Variants in CPVL observed in about 807,000 individuals in gnomAD.
CPVL encodes the protein probable serine carboxypeptidase CPVL.
CPVL carries 51 observed loss-of-function variants against 63.7 expected under a neutral mutation model. That is an observed-to-expected ratio of 0.80 (90% CI 0.64 to 1.01). The LOEUF is 1.01. CPVL is among the 50% of genes least tolerant of loss of function. The pLI is 0.00. For missense variants in CPVL, 530 were observed against 573.1 expected (o/e 0.92, Z 0.77); for synonymous variants, 195 against 206.0 (o/e 0.95, Z 0.46).
chr7:29,103,486 C>T (rs1395412781), intron 3 of CPVL, among the ~76,000 whole-genome samples: 2 of 150,726 alleles, frequency 1.3e-5, no homozygotes, highest in Admixed American at 6.6e-5. Flanking sequence ...AACTCTTAAC[C>T]TCATGATCTG....
chr7:29,109,904 T>A (rs1434129493), intron 3 of CPVL, among the ~76,000 whole-genome samples: 1 of 152,216 alleles, frequency 6.6e-6, no homozygotes, highest in Non-Finnish European at 1.5e-5. Flanking sequence ...AAGGGGGTTT[T>A]CAGACTTCAG....
In CPVL at chr7:29,146,439, C is replaced by G. The variant is rs974170532; in HGVS notation, c.-21G>C. The stretch of plus-strand genomic sequence containing the variant: ...GCAGGCGGCACTTACGCGGCGCAGT[C>G]GGTGCTCCTCCCTGAGCCGCGGCGC... On this transcript the variant is annotated 5_prime_UTR_variant, in exon 1 of 13. Transcript: ENST00000265394. The G allele has an allele frequency of 2.5e-5, 31 of 1,245,528 alleles. No individual in the cohort carries two copies. The highest frequency in any genetic ancestry group is 3.2e-5 in the Non-Finnish European group (30 of 926,956). 77.2% of individuals were successfully genotyped at this position (1,245,528 alleles called of 1,614,324 possible).
At chr7:29,010,367 G>GA (rs1311424245) in intron 12 of CPVL, 71 of 138,274 alleles carry the variant, frequency 5.1e-4, no homozygotes, top group Admixed American at 1.2e-3. Flanking sequence ...AGGAGAAAAA[G>GA]AAAAAAAAAA....
intron 11 of CPVL, among the ~76,000 whole-genome samples, chr7:29,042,135 G>A (rs1789154396): frequency 6.6e-6 from 1 of 152,144 alleles, no homozygotes; most frequent in East Asian, 1.9e-4. Flanking sequence ...GGTTCATGAA[G>A]CTGGATTAAG....
chr7:29,129,251 A>G (rs1186654602), intron 1 of CPVL, among the ~76,000 whole-genome samples: 1 of 152,200 alleles, frequency 6.6e-6, no homozygotes, highest in Admixed American at 6.5e-5. Flanking sequence ...AGGCAGATCC[A>G]TGAATATTTG....
At chr7:29,173,723 A>T (rs1454511827) in intron 5 of CPVL, among the ~76,000 whole-genome samples, 2 of 151,050 alleles carry the variant, frequency 1.3e-5, no homozygotes, top group Non-Finnish European at 2.9e-5. Context: ...CGGGCAGATC[A>T]CTTGAGGTCA....
At chr7:29,016,757 T>C (rs1210854544) in intron 12 of CPVL, among the ~76,000 whole-genome samples, 1 of 152,138 alleles carries the variant, frequency 6.6e-6, no homozygotes, top group Non-Finnish European at 1.5e-5. Flanking sequence ...TGCAGTGATC[T>C]TAAGTTGGTG....
chr7:29,113,428 G>C (rs529262816), intron 2 of CPVL, among the ~76,000 whole-genome samples: 1 of 152,222 alleles, frequency 6.6e-6, no homozygotes, highest in East Asian at 1.9e-4. Context: ...CTACTCAGGG[G>C]GAGCCAAATA....
At chr7:29,141,043 T>C (rs1791817856) in intron 1 of CPVL, among the ~76,000 whole-genome samples, 1 of 152,046 alleles carries the variant, frequency 6.6e-6, no homozygotes, top group African/African-American at 2.4e-5. Flanking sequence ...AGAAGTTGGG[T>C]GAAAACAAGG....
At chr7:29,040,365 G>A (rs1051079248) in intron 11 of CPVL, among the ~76,000 whole-genome samples, 8 of 152,200 alleles carry the variant, frequency 5.3e-5, no homozygotes, top group African/African-American at 1.9e-4. Context: ...ATTCAGCTGA[G>A]GAGTATAACA....
chr7:29,125,700 C>G (rs1212459520), intron 1 of CPVL, among the ~76,000 whole-genome samples: 1 of 152,076 alleles, frequency 6.6e-6, no homozygotes, highest in African/African-American at 2.4e-5. Flanking sequence ...GCCTACTCTC[C>G]CACCTTTATT....
chr7:28,995,935 T>C, intron 12 of CPVL, 53 bp from the exon 13 acceptor site: 1 of 1,032,048 alleles, frequency 9.7e-7, no homozygotes, highest in East Asian at 2.5e-5. Flanking sequence ...ATATTCTAAA[T>C]ACATGGAAAG....
At chr7:29,027,008 T>C (rs1450355290) in intron 12 of CPVL, among the ~76,000 whole-genome samples, 1 of 152,154 alleles carries the variant, frequency 6.6e-6, no homozygotes, top group South Asian at 2.1e-4. Context: ...ATCATCCTGA[T>C]ACGAAAACCA....
intron 12 of CPVL, among the ~76,000 whole-genome samples, chr7:29,003,862 G>GT (rs1562718038): frequency 6.6e-6 from 1 of 152,012 alleles, no homozygotes. Context: ...TCACAATAGG[G>GT]TTCCCCTCCT....
intron 7 of CPVL, among the ~76,000 whole-genome samples, chr7:29,080,069 G>A (rs952843480): frequency 7.9e-5 from 12 of 152,106 alleles, no homozygotes; most frequent in Non-Finnish European, 1.6e-4. Context: ...GGCCAAAGGA[G>A]AGTCCCCAGG....
intron 12 of CPVL, among the ~76,000 whole-genome samples, chr7:29,004,798 T>C (rs952621788): frequency 6.6e-6 from 1 of 152,206 alleles, no homozygotes; most frequent in Non-Finnish European, 1.5e-5. Context: ...TCTGGAATGG[T>C]TGCTTACTCT....
At chr7:29,098,308 G>A (rs574482354) in intron 3 of CPVL, among the ~76,000 whole-genome samples, 2 of 152,184 alleles carry the variant, frequency 1.3e-5, no homozygotes, top group East Asian at 3.9e-4. Flanking sequence ...GGGCACAGAG[G>A]AACTTTCCCA....
At chr7:29,025,260 C>T (rs1368605006) in intron 12 of CPVL, among the ~76,000 whole-genome samples, 2 of 152,156 alleles carry the variant, frequency 1.3e-5, no homozygotes, top group African/African-American at 4.8e-5. Flanking sequence ...ATTCTGTAGG[C>T]TATACAAGTA....
intron 12 of CPVL, among the ~76,000 whole-genome samples, chr7:29,014,299 G>A (rs896310709): frequency 1.3e-5 from 2 of 152,100 alleles, no homozygotes; most frequent in Admixed American, 6.6e-5. Context: ...TCTGTTTGCC[G>A]ATTTCCTTAA....
Sources: gnomAD v4.1 joint callset for allele counts (sites outside exome capture counted in the v4.1 genomes callset) on GRCh38, gnomAD v4.1.1 for gene constraint, MANE v1.5 for transcripts, NCBI Gene and HGNC (gene_info 2026-07-23, HGNC 2026-07-21) for gene names.